The following DOK5 variants were observed in gnomAD, a reference collection of about 807,000 sequenced individuals.
DOK5 encodes the protein docking protein 5.
DOK5 carries 27 observed loss-of-function variants against 43.3 expected under a neutral mutation model. That is an observed-to-expected ratio of 0.62 (90% CI 0.46 to 0.86). The LOEUF (loss-of-function observed/expected upper bound fraction) is 0.86, where lower values mean the gene tolerates loss of function less well. Among genes scored for constraint, DOK5 ranks in the 40% least tolerant of loss-of-function variants. DOK5 has a pLI of 0.00. For missense variants in DOK5, 373 were observed against 392.9 expected, an observed-to-expected ratio of 0.95 and a Z score of 0.43; for synonymous variants, 146 against 140.1, an observed-to-expected ratio of 1.04 and a Z score of -0.30.
At chr20:54,596,167 T>G (rs566272513) in intron 5 of DOK5, among the ~76,000 whole-genome samples, 42 of 152,348 alleles carry the variant, frequency 2.8e-4, no homozygotes, top group African/African-American at 1.0e-3. Context: ...ATCATTCGTG[T>G]TCCACACCAA....
chr20:54,482,525 T>C (rs764170761), intron 1 of DOK5, among the ~76,000 whole-genome samples: 6 of 152,216 alleles, frequency 3.9e-5, no homozygotes, highest in Non-Finnish European at 7.3e-5. Context: ...AGATGGAGTC[T>C]CGCTCTGCTG....
chr20:54,600,958 A>G (rs1986283155), intron 5 of DOK5, among the ~76,000 whole-genome samples: 1 of 152,172 alleles, frequency 6.6e-6, no homozygotes. Context: ...GTTACGGGGT[A>G]TTGTAGTACT....
chr20:54,648,195 A>G (rs6014105), intron 7 of DOK5, among the ~76,000 whole-genome samples: 123,493 of 152,100 alleles, frequency 0.81, 50,318 homozygotes, highest in East Asian at 0.99. Context: ...CCATCCATCC[A>G]TTCTTTGTTT....
chr20:54,569,577 C>T (rs1985217150), intron 2 of DOK5, among the ~76,000 whole-genome samples: 1 of 152,126 alleles, frequency 6.6e-6, no homozygotes, highest in South Asian at 2.1e-4. Flanking sequence ...CAGGTAATAG[C>T]CTGCACCTTT....
chr20:54,529,225 A>C (rs545542060), intron 1 of DOK5, among the ~76,000 whole-genome samples: 44 of 152,350 alleles, frequency 2.9e-4, no homozygotes, highest in Non-Finnish European at 1.5e-4. Context: ...TAATTATAAT[A>C]ATAAGACTAA....
chr20:54,573,678 C>T (rs1272164144), intron 2 of DOK5, among the ~76,000 whole-genome samples: 3 of 125,996 alleles, frequency 2.4e-5, no homozygotes, highest in African/African-American at 1.0e-4. Flanking sequence ...TAGAGGGAGA[C>T]TCCATCTCAA....
chr20:54,622,124 T>C (rs1242319455), intron 6 of DOK5, among the ~76,000 whole-genome samples: 1 of 146,930 alleles, frequency 6.8e-6, no homozygotes, highest in Non-Finnish European at 1.5e-5. Flanking sequence ...AACCCAGGAG[T>C]CGGAGGTTGC....
intron 6 of DOK5, 70 bp downstream of exon 6, chr20:54,610,593 C>A: frequency 3.7e-6 from 5 of 1,345,368 alleles, no homozygotes; most frequent in Non-Finnish European, 4.8e-6. Context: ...CATTTTTGTG[C>A]TGGAAAATAT....
Position 54,481,013 on chromosome 20 carries a change from T to TATC in DOK5, c.66+5002_66+5004dup, listed in dbSNP as rs772199599. On this transcript the variant is annotated intron_variant, in intron 1 of 7. Coordinates refer to ENST00000262593, the MANE Select transcript of DOK5 (RefSeq NM_018431.5). ...TATCATCTATCTATCATCTATCATC[T>TATC]ATCTATCTATCATCTATCTATCATC... 1.1e-3 allele frequency among the ~76,000 whole-genome samples: 132 copies of TATC among 123,560 alleles called. 1 individual carries two copies. The highest frequency in any genetic ancestry group is 4.4e-3 in the South Asian group (19 of 4,280). 81.1% of individuals were successfully genotyped at this position (123,560 alleles called of 152,430 possible).
intron 6 of DOK5, among the ~76,000 whole-genome samples, chr20:54,622,297 CA>C (rs1987005035): frequency 6.6e-6 from 1 of 152,134 alleles, no homozygotes; most frequent in Admixed American, 6.5e-5. Context: ...TTTATTCAGA[CA>C]GGATAGATGT....
chr20:54,545,698 T>C (rs1984318657), intron 1 of DOK5, among the ~76,000 whole-genome samples: 1 of 152,216 alleles, frequency 6.6e-6, no homozygotes, highest in African/African-American at 2.4e-5. Flanking sequence ...AGAGATAATA[T>C]GGAGTTCTTT....
At chr20:54,521,038 G>A (rs1039583351) in intron 1 of DOK5, among the ~76,000 whole-genome samples, 3 of 151,762 alleles carry the variant, frequency 2.0e-5, no homozygotes, top group Non-Finnish European at 2.9e-5. Context: ...CTTGTGGCTC[G>A]GCTTGCTCCC....
chr20:54,554,570 A>C lies in DOK5; in HGVS notation c.67-363A>C, dbSNP rs76652420. Among the ~76,000 whole-genome samples the C allele has an allele frequency of 9.5e-3, 1,453 of 152,332 alleles. 32 individuals carry two copies. The highest frequency in any genetic ancestry group is 0.033 in the African/African-American group (1,391 of 41,576). On this transcript the variant is annotated intron_variant, in intron 1 of 7. Transcript: ENST00000262593. Reference sequence around the variant, plus strand: ...GAGATCTTCAGCATAGACCAAGCCCATGGTTTTCAGATTTAATTGCACTTG... The same window carrying C: ...GAGATCTTCAGCATAGACCAAGCCCCTGGTTTTCAGATTTAATTGCACTTG...
chr20:54,593,993 G>C (rs952890219), intron 5 of DOK5, among the ~76,000 whole-genome samples: 1 of 152,108 alleles, frequency 6.6e-6, no homozygotes, highest in African/African-American at 2.4e-5. Context: ...GGGCCTATCT[G>C]AGGGTGGAGG....
chr20:54,530,852 T>C (rs1983747304), intron 1 of DOK5, among the ~76,000 whole-genome samples: 1 of 152,132 alleles, frequency 6.6e-6, no homozygotes, highest in African/African-American at 2.4e-5. Context: ...TTCCCAAATG[T>C]AAGAATATAT....
chr20:54,628,240 C>G lies in DOK5; in HGVS notation c.736-15218C>G, dbSNP rs115660906. 5.3e-3 allele frequency among the ~76,000 whole-genome samples: 803 copies of G among 151,814 alleles called. 12 individuals carry two copies. The highest frequency in any genetic ancestry group is 0.019 in the African/African-American group (767 of 41,406). On this transcript the variant is annotated intron_variant, in intron 6 of 7. Transcript: ENST00000262593. ...CTGTTAAGAATTCATTCTTCCTTCTCTACTAAAAATACAAAAAAATTAGCC... is the reference window on the plus strand; with the variant it reads ...CTGTTAAGAATTCATTCTTCCTTCTGTACTAAAAATACAAAAAAATTAGCC...
At chr20:54,622,978 C>G (rs1274921154) in intron 6 of DOK5, among the ~76,000 whole-genome samples, 1 of 152,126 alleles carries the variant, frequency 6.6e-6, no homozygotes, top group Non-Finnish European at 1.5e-5. Flanking sequence ...CAGGACCCTT[C>G]TAAGCACAGA....
At chr20:54,597,312 G>C (rs1235470907) in intron 5 of DOK5, among the ~76,000 whole-genome samples, 1 of 152,136 alleles carries the variant, frequency 6.6e-6, no homozygotes. Context: ...ACCTGGGCAG[G>C]GGGTGTTACT....
chr20:54,521,762 C>T (rs954651106), intron 1 of DOK5, among the ~76,000 whole-genome samples: 4 of 152,032 alleles, frequency 2.6e-5, no homozygotes, highest in African/African-American at 9.7e-5. Flanking sequence ...CTGAAAGTTC[C>T]AACTCTCCAA....
Sources: gnomAD v4.1 joint callset for allele counts (sites outside exome capture counted in the v4.1 genomes callset) on GRCh38, gnomAD v4.1.1 for gene constraint, MANE v1.5 for transcripts, NCBI Gene and HGNC (gene_info 2026-07-23, HGNC 2026-07-21) for gene names.